PCBP3: variants seen among roughly 807,000 people sequenced by gnomAD.
The protein encoded by PCBP3 is poly(rC)-binding protein 3.
In PCBP3, 25 loss-of-function variants were observed where a neutral mutation model predicts 52.7. The observed-to-expected ratio is 0.47, with a 90% confidence interval of 0.35 to 0.66. The LOEUF (loss-of-function observed/expected upper bound fraction) is 0.66. Among genes scored for constraint, PCBP3 ranks in the 30% least tolerant of loss-of-function variants. PCBP3 has a pLI of 0.01. For synonymous variants in PCBP3, 162 were observed against 183.0 expected (o/e 0.89, Z 0.93); for missense variants, 391 against 490.3 (o/e 0.80, Z 1.91).
intron 2 of PCBP3, among the ~76,000 whole-genome samples, chr21:45,684,797 G>T (rs117647951): frequency 6.6e-6 from 1 of 152,126 alleles, no homozygotes; most frequent in Non-Finnish European, 1.5e-5. Context: ...TTATAGCAAC[G>T]CAAAACAGAC....
intron 4 of PCBP3, chr21:45,832,808 G>C (rs1013716251): frequency 6.6e-6 from 1 of 152,250 alleles, no homozygotes; most frequent in Non-Finnish European, 1.5e-5. Flanking sequence ...CACATGGCTG[G>C]GGAGGCCTCA....
At chr21:45,671,232 G>T (rs960392102) in intron 2 of PCBP3, among the ~76,000 whole-genome samples, 2 of 152,138 alleles carry the variant, frequency 1.3e-5, no homozygotes, top group African/African-American at 2.4e-5. Flanking sequence ...CTTCGCCTTG[G>T]CACACCCTTC....
At chr21:45,833,987 G>A (rs568965071) in intron 4 of PCBP3, among the ~76,000 whole-genome samples, 38 of 152,340 alleles carry the variant, frequency 2.5e-4, no homozygotes, top group Admixed American at 2.1e-3. Context: ...CACCTCTGAG[G>A]ATGGCGTGGA....
chr21:45,712,692 C>G (rs2083920602), intron 2 of PCBP3, among the ~76,000 whole-genome samples: 1 of 151,546 alleles, frequency 6.6e-6, no homozygotes, highest in Admixed American at 6.6e-5. Context: ...GAGGGTTGCT[C>G]TTTCTTTCAT....
At position 45,930,856 on chromosome 21, in the gene PCBP3, G is replaced by A; in HGVS notation, c.856+11G>A. 1 of 1,612,778 alleles carries A rather than the reference G, an allele frequency of 6.2e-7. No individual in the cohort carries two copies. The highest frequency in any genetic ancestry group is 8.5e-7 in the Non-Finnish European group (1 of 1,179,510). ...TGGGCCAGTCATCAGGTAACACAAA[G>A]CCACACTGACAGGAGAACAGGCCAG... On this transcript the variant is annotated intron_variant, in intron 15 of 17. Coordinates refer to ENST00000681687, the MANE Select transcript of PCBP3 (RefSeq NM_001384156.1).
intron 5 of PCBP3, among the ~76,000 whole-genome samples, chr21:45,870,674 A>G (rs535682120): frequency 6.6e-6 from 1 of 152,204 alleles, no homozygotes; most frequent in Non-Finnish European, 1.5e-5. Context: ...TGGGAGGACC[A>G]GAGGGTCCAA....
Position 45,736,538 on chromosome 21 carries a change from CG to C in PCBP3, c.-162+1111del, listed in dbSNP as rs1871138401. On this transcript the variant is annotated intron_variant, in intron 3 of 17. Transcript: ENST00000681687. This position sits in a 1 kb window ranked among gnomAD's most constrained non-coding sequence, Gnocchi z 4.6. ...CAGGGCAGCGCCCTGGTTAGAGAGA[CG>C]GCATGGGGAGTTGGCAGGGGGAGGC... 6.6e-6 allele frequency among the ~76,000 whole-genome samples: 1 copy of C among 151,682 alleles called. No individual in the cohort carries two copies. Among genetic ancestry groups the C allele is most frequent in the African/African-American group, 2.4e-5 (1 of 41,240 alleles).
In PCBP3 at chr21:45,695,254, A is replaced by G. The variant is rs1337132738; in HGVS notation, c.-200+26302A>G. ...ACCCTAAGAAAATTCCTCCTTGACC[A>G]GTTGGCATAGTGGTGGGCTTGTCAG... On this transcript the variant is annotated intron_variant, in intron 2 of 17. Coordinates refer to ENST00000681687, the MANE Select transcript of PCBP3 (RefSeq NM_001384156.1). Among the ~76,000 whole-genome samples, 6 of 152,176 alleles carry G rather than the reference A, an allele frequency of 3.9e-5. No individual in the cohort carries two copies. The South Asian group carries it at 6.2e-4, about 16-fold the overall frequency.
intron 2 of PCBP3, among the ~76,000 whole-genome samples, chr21:45,710,497 A>G (rs988522770): frequency 1.3e-4 from 20 of 152,232 alleles, no homozygotes; most frequent in African/African-American, 4.8e-4. Flanking sequence ...ATCATTTTTT[A>G]TGGCTGCATA....
At chr21:45,867,400 A>G (rs758532769) in intron 5 of PCBP3, among the ~76,000 whole-genome samples, 2 of 152,238 alleles carry the variant, frequency 1.3e-5, no homozygotes, top group Non-Finnish European at 2.9e-5. Flanking sequence ...GATGGTAGTC[A>G]CCAGCATACA....
At chr21:45,794,506 CTCA>C (rs1319749153) in intron 4 of PCBP3, among the ~76,000 whole-genome samples, 5 of 152,186 alleles carry the variant, frequency 3.3e-5, no homozygotes, top group African/African-American at 1.2e-4. Flanking sequence ...CGAAGAAAAC[CTCA>C]TCAATTCACC....
At chr21:45,725,894 G>A (rs2084997753) in intron 2 of PCBP3, among the ~76,000 whole-genome samples, 1 of 152,178 alleles carries the variant, frequency 6.6e-6, no homozygotes, top group African/African-American at 2.4e-5. Flanking sequence ...CTGGGGTGAG[G>A]AAGCCAGTGC....
intron 4 of PCBP3, among the ~76,000 whole-genome samples, chr21:45,769,258 T>C (rs1404854072): frequency 3.3e-5 from 5 of 152,242 alleles, no homozygotes; most frequent in Admixed American, 6.5e-5. Context: ...ATGGTTATTC[T>C]GTTATTTGAA....
intron 4 of PCBP3, among the ~76,000 whole-genome samples, chr21:45,820,964 G>A (rs765818761): frequency 1.3e-5 from 2 of 152,138 alleles, no homozygotes; most frequent in Non-Finnish European, 2.9e-5. Flanking sequence ...AGCAGTGATA[G>A]CACACCTGTG....
intron 5 of PCBP3, among the ~76,000 whole-genome samples, chr21:45,879,407 A>G (rs571033162): frequency 1.1e-3 from 171 of 152,372 alleles, no homozygotes; most frequent in Middle Eastern, 6.8e-3. Flanking sequence ...GTCAGCAAAC[A>G]CGAGGACAGC....
chr21:45,898,555 C>T (rs908577439), intron 6 of PCBP3, among the ~76,000 whole-genome samples: 1 of 88,718 alleles, frequency 1.1e-5, no homozygotes, highest in Non-Finnish European at 2.7e-5. Context: ...TCCTCCCAGC[C>T]TCCCTCTACA....
chr21:45,898,539 ACAC>A (rs1274386051), intron 6 of PCBP3, among the ~76,000 whole-genome samples: 40 of 89,462 alleles, frequency 4.5e-4, no homozygotes, highest in East Asian at 2.6e-3. Flanking sequence ...ACCCCTCTAC[ACAC>A]TGTCCTCCCA....
At chr21:45,794,310 A>G (rs1248280654) in intron 4 of PCBP3, among the ~76,000 whole-genome samples, 1 of 152,144 alleles carries the variant, frequency 6.6e-6, no homozygotes, top group Non-Finnish European at 1.5e-5. Flanking sequence ...CAGCTACTCC[A>G]GAGGCTGAGG....
At position 45,940,219 on chromosome 21, in the gene PCBP3, C is replaced by G; in HGVS notation, c.1079+20C>G. 6.3e-7 allele frequency: 1 copy of G among 1,591,394 alleles called. No individual in the cohort carries two copies. Among genetic ancestry groups the G allele is most frequent in the African/African-American group, 1.3e-5 (1 of 74,128 alleles). On this transcript the variant is annotated intron_variant, in intron 17 of 17. Coordinates refer to ENST00000681687, the MANE Select transcript of PCBP3 (RefSeq NM_001384156.1). ...CGCCAGGTGAGCATCTCCCAAGGGT[C>G]TCTGAGAGACGCCCGGAAAGGGACG...
Sources: gnomAD v4.1 joint callset for allele counts (sites outside exome capture counted in the v4.1 genomes callset) on GRCh38, gnomAD v4.1.1 for gene constraint, Gnocchi (gnomAD v3.1) non-coding constraint, MANE v1.5 for transcripts, NCBI Gene and HGNC (gene_info 2026-07-23, HGNC 2026-07-21) for gene names.